The following SNTG1 variants were observed in gnomAD, a reference collection of about 807,000 sequenced individuals.
The protein encoded by SNTG1 is syntrophin gamma 1.
In SNTG1, 39 loss-of-function variants were observed where a neutral mutation model predicts 74.7. The ratio of observed to expected loss-of-function variants is 0.52; its 90% CI spans 0.40 to 0.68. The LOEUF (loss-of-function observed/expected upper bound fraction) is 0.68. SNTG1 is among the 30% of genes least tolerant of loss of function. The pLI, the probability that SNTG1 is intolerant of heterozygous loss-of-function variation, is 0.00. For missense variants in SNTG1, 685 were observed against 609.5 expected, an observed-to-expected ratio of 1.12 and a Z score of -1.30; for synonymous variants, 254 against 217.1, an observed-to-expected ratio of 1.17 and a Z score of -1.49.
intron 10 of SNTG1, among the ~76,000 whole-genome samples, chr8:50,533,643 C>A (rs1351103817): frequency 2.0e-5 from 3 of 152,054 alleles, no homozygotes; most frequent in African/African-American, 4.8e-5. Context: ...GAGAAAAATT[C>A]TTTAAAGGAT....
intron 1 of SNTG1, among the ~76,000 whole-genome samples, chr8:50,149,508 G>A (rs1427682015): frequency 6.6e-6 from 1 of 152,082 alleles, no homozygotes; most frequent in African/African-American, 2.4e-5. Context: ...TTTCTTCTAG[G>A]GTTTTTATGG....
At chr8:50,713,602 C>T (rs1289924021) in intron 17 of SNTG1, among the ~76,000 whole-genome samples, 1 of 152,030 alleles carries the variant, frequency 6.6e-6, no homozygotes, top group African/African-American at 2.4e-5. Context: ...GATGGAATTG[C>T]CTAGGTTTTC....
chr8:50,142,347 C>T (rs887989824), intron 1 of SNTG1, among the ~76,000 whole-genome samples: 1 of 151,858 alleles, frequency 6.6e-6, no homozygotes, highest in African/African-American at 2.4e-5. Context: ...AAGTTTATAA[C>T]AGAGGAGCTA....
chr8:50,125,220 T>C (rs900042463), intron 1 of SNTG1, among the ~76,000 whole-genome samples: 1 of 142,376 alleles, frequency 7.0e-6, no homozygotes, highest in Admixed American at 7.2e-5. Flanking sequence ...CAGTAATCAA[T>C]GGCTCCTCTA....
intron 3 of SNTG1, among the ~76,000 whole-genome samples, chr8:50,398,741 C>T (rs914579225): frequency 2.0e-5 from 3 of 152,092 alleles, no homozygotes; most frequent in Non-Finnish European, 2.9e-5. Flanking sequence ...AGCCTGGCCA[C>T]CATGGTGGTG....
chr8:50,283,689 C>T (rs1400266836), intron 2 of SNTG1, among the ~76,000 whole-genome samples: 3 of 152,110 alleles, frequency 2.0e-5, no homozygotes, highest in African/African-American at 4.8e-5. Flanking sequence ...GAGTACATTA[C>T]CTGGCCAAAT....
At chr8:50,702,425 C>A (rs985848415) in intron 15 of SNTG1, among the ~76,000 whole-genome samples, 4 of 152,126 alleles carry the variant, frequency 2.6e-5, no homozygotes, top group Non-Finnish European at 5.9e-5. Flanking sequence ...AATTCTACAA[C>A]CCTGGAAGTA....
intron 12 of SNTG1, among the ~76,000 whole-genome samples, chr8:50,586,773 G>GA (rs1446598442): frequency 2.0e-5 from 3 of 151,760 alleles, no homozygotes; most frequent in Non-Finnish European, 4.4e-5. Context: ...AGGTGTTTTT[G>GA]AAAAATGTGT....
chr8:50,763,252 A>G (rs1304707099), intron 18 of SNTG1, among the ~76,000 whole-genome samples: 1 of 151,792 alleles, frequency 6.6e-6, no homozygotes, highest in African/African-American at 2.4e-5. Flanking sequence ...TGTTGCCAGG[A>G]TGGGGTAGAA....
chr8:50,627,852 A>G (rs1389731570), intron 13 of SNTG1, among the ~76,000 whole-genome samples: 1 of 152,198 alleles, frequency 6.6e-6, no homozygotes, highest in Non-Finnish European at 1.5e-5. Flanking sequence ...ACGTTCAGCT[A>G]TCTGGAAGCC....
chr8:50,280,276 A>G (rs903154104), intron 2 of SNTG1, among the ~76,000 whole-genome samples: 2 of 152,212 alleles, frequency 1.3e-5, no homozygotes, highest in African/African-American at 4.8e-5. Context: ...AACAAATGTT[A>G]ATAGTTAGAG....
At chr8:50,687,051 C>A (rs375745474) in intron 15 of SNTG1, among the ~76,000 whole-genome samples, 1 of 150,696 alleles carries the variant, frequency 6.6e-6, no homozygotes, top group Non-Finnish European at 1.5e-5. Context: ...AGGAGAATGG[C>A]GTGAACCCGG....
At chr8:50,203,535 A>G (rs188350210) in intron 2 of SNTG1, among the ~76,000 whole-genome samples, 2 of 152,232 alleles carry the variant, frequency 1.3e-5, no homozygotes, top group East Asian at 1.9e-4. Flanking sequence ...TGAAAGAAAC[A>G]TATTGTATTT....
At chr8:49,932,510 G>C (rs1351416956) in intron 1 of SNTG1, among the ~76,000 whole-genome samples, 1 of 151,058 alleles carries the variant, frequency 6.6e-6, no homozygotes, top group African/African-American at 2.4e-5. Flanking sequence ...TATTACACAT[G>C]GTTTCTATCC....
At chr8:50,669,952 C>T (rs1016950513) in intron 15 of SNTG1, among the ~76,000 whole-genome samples, 12 of 152,158 alleles carry the variant, frequency 7.9e-5, no homozygotes, top group African/African-American at 2.4e-5. Flanking sequence ...ACATGATTAT[C>T]TCAATAGATG....
At chr8:50,212,324 C>A (rs2084560475) in intron 2 of SNTG1, among the ~76,000 whole-genome samples, 1 of 152,064 alleles carries the variant, frequency 6.6e-6, no homozygotes, top group South Asian at 2.1e-4. Context: ...ATTATATCCC[C>A]TAATGAATGA....
intron 2 of SNTG1, among the ~76,000 whole-genome samples, chr8:50,184,957 A>T (rs974031574): frequency 2.0e-5 from 3 of 152,190 alleles, no homozygotes; most frequent in Non-Finnish European, 4.4e-5. Flanking sequence ...TTCTTTTTTA[A>T]CAAAACAAAG....
At chr8:50,721,101 T>C (rs974121966) in intron 17 of SNTG1, among the ~76,000 whole-genome samples, 3 of 152,218 alleles carry the variant, frequency 2.0e-5, no homozygotes, top group Admixed American at 6.5e-5. Context: ...TTAGCATTAA[T>C]ACAACTTCAC....
At chr8:50,333,332 G>T (rs2091031292) in intron 2 of SNTG1, among the ~76,000 whole-genome samples, 1 of 152,188 alleles carries the variant, frequency 6.6e-6, no homozygotes. Context: ...AATACATATT[G>T]AATGTTTAAG....
Sources: gnomAD v4.1 joint callset for allele counts (sites outside exome capture counted in the v4.1 genomes callset) on GRCh38, gnomAD v4.1.1 for gene constraint, MANE v1.5 for transcripts, NCBI Gene and HGNC (gene_info 2026-07-23, HGNC 2026-07-21) for gene names.